Variants in AHCYL2 observed in about 807,000 individuals in gnomAD.
AHCYL2 encodes S-adenosylhomocysteine hydrolase-like protein 2.
AHCYL2 carries 28 observed loss-of-function variants against 81.4 expected under a neutral mutation model. The ratio of observed to expected loss-of-function variants is 0.34; its 90% CI spans 0.25 to 0.47. The LOEUF is 0.47. Among genes scored for constraint, AHCYL2 ranks in the 20% least tolerant of loss-of-function variants. AHCYL2 has a pLI of 1.00. For missense variants in AHCYL2, 551 were observed against 785.1 expected (o/e 0.70, Z 3.56); for synonymous variants, 272 against 290.2 (o/e 0.94, Z 0.64).
At chr7:129,394,655 G>C (rs1375389272) in intron 4 of AHCYL2, among the ~76,000 whole-genome samples, 1 of 151,980 alleles carries the variant, frequency 6.6e-6, no homozygotes, top group Non-Finnish European at 1.5e-5. Context: ...ATGTTGGTCA[G>C]GCTGGTCTCA....
chr7:129,295,224 G>A (rs1046517723), intron 1 of AHCYL2, among the ~76,000 whole-genome samples: 12 of 152,196 alleles, frequency 7.9e-5, no homozygotes, highest in Admixed American at 2.6e-4. Flanking sequence ...TCTTCTCTCC[G>A]GGGAATTGAA....
At chr7:129,307,907 A>G (rs1797500923) in intron 1 of AHCYL2, among the ~76,000 whole-genome samples, 2 of 151,876 alleles carry the variant, frequency 1.3e-5, no homozygotes, top group South Asian at 4.2e-4. Flanking sequence ...ATGGGACCTT[A>G]TGATCCTGCC....
intron 1 of AHCYL2, among the ~76,000 whole-genome samples, chr7:129,370,994 T>C (rs1171718522): frequency 6.6e-6 from 1 of 152,210 alleles, no homozygotes; most frequent in Non-Finnish European, 1.5e-5. Context: ...AGGTTGCTAC[T>C]GATAGCCACT....
chr7:129,325,204 A>G (rs1798177258), intron 1 of AHCYL2, among the ~76,000 whole-genome samples: 1 of 152,162 alleles, frequency 6.6e-6, no homozygotes, highest in African/African-American at 2.4e-5. Context: ...CTTGTACTGC[A>G]AGCCTGGTAG....
intron 1 of AHCYL2, among the ~76,000 whole-genome samples, chr7:129,285,687 T>A (rs954315265): frequency 4.4e-5 from 6 of 135,238 alleles, no homozygotes; most frequent in African/African-American, 1.6e-4. Flanking sequence ...ATTTTCTTTC[T>A]CTCTCTCTCT....
chr7:129,264,560 G>C (rs1198932005), intron 1 of AHCYL2, among the ~76,000 whole-genome samples: 1 of 152,164 alleles, frequency 6.6e-6, no homozygotes, highest in African/African-American at 2.4e-5. Context: ...TTATAGTAGA[G>C]AAAATTAAAC....
chr7:129,286,268 T>A (rs1796626007), intron 1 of AHCYL2, among the ~76,000 whole-genome samples: 2 of 152,088 alleles, frequency 1.3e-5, no homozygotes, highest in Admixed American at 1.3e-4. Flanking sequence ...TTTTTTTGTG[T>A]GAGATGGAGT....
intron 1 of AHCYL2, among the ~76,000 whole-genome samples, chr7:129,271,118 T>C (rs1380339560): frequency 6.6e-6 from 1 of 151,724 alleles, no homozygotes; most frequent in Non-Finnish European, 1.5e-5. Flanking sequence ...ATCCCAGCAC[T>C]TTGGGAGGCC....
chr7:129,247,230 A>G (rs1175384604), intron 1 of AHCYL2, among the ~76,000 whole-genome samples: 16 of 152,240 alleles, frequency 1.1e-4, no homozygotes, highest in African/African-American at 2.4e-5. Context: ...ATCCTTGCCA[A>G]TACTTGGCAT....
intron 1 of AHCYL2, among the ~76,000 whole-genome samples, chr7:129,252,081 CCA>C (rs1483457272): frequency 1.3e-5 from 2 of 152,082 alleles, no homozygotes; most frequent in Non-Finnish European, 2.9e-5. Flanking sequence ...GAGCTGAGCC[CCA>C]GTCATGAACC....
At chr7:129,347,966 T>A (rs1307578580) in intron 1 of AHCYL2, among the ~76,000 whole-genome samples, 1 of 152,164 alleles carries the variant, frequency 6.6e-6, no homozygotes, top group African/African-American at 2.4e-5. Context: ...TCCAAAACAA[T>A]TTCTGAAAAT....
chr7:129,366,270 T>C (rs1794111710), intron 1 of AHCYL2, among the ~76,000 whole-genome samples: 1 of 152,160 alleles, frequency 6.6e-6, no homozygotes, highest in Admixed American at 6.5e-5. Flanking sequence ...GGTTCAACAG[T>C]CCCTGTTTTC....
rs1185436997 is a variant in AHCYL2, at chr7:129,427,681, T to C, written c.*636T>C. ...CTCCTTTCTTCTCCTTGAATATTTATGTCCATTTTAACACTTCCTGGTTGC... is the reference window on the plus strand; with the variant it reads ...CTCCTTTCTTCTCCTTGAATATTTACGTCCATTTTAACACTTCCTGGTTGC... On this transcript the variant is annotated 3_prime_UTR_variant, in exon 17 of 17. Transcript: ENST00000325006. This position sits in a 1 kb window ranked among gnomAD's most constrained non-coding sequence, Gnocchi z 5.5. 2 of 152,720 alleles carry C rather than the reference T, an allele frequency of 1.3e-5. No homozygotes were observed. The highest frequency in any genetic ancestry group is 4.8e-5 in the African/African-American group (2 of 41,452). 9.5% of individuals were successfully genotyped at this position (152,720 alleles called of 1,614,324 possible).
Position 129,368,241 on chromosome 7 carries a change from C to A in AHCYL2, c.364-11397C>A. 1 of 1,375,918 alleles carries A rather than the reference C, an allele frequency of 7.3e-7. No homozygotes were observed. Among genetic ancestry groups the A allele is most frequent in the South Asian group, 1.7e-5 (1 of 60,106 alleles). 85.2% of individuals were successfully genotyped at this position (1,375,918 alleles called of 1,614,324 possible). On this transcript the variant is annotated intron_variant, in intron 1 of 16. Coordinates refer to ENST00000325006, the MANE Select transcript of AHCYL2 (RefSeq NM_015328.4). This position sits in a 1 kb window ranked among gnomAD's most constrained non-coding sequence, Gnocchi z 4.4. The stretch of plus-strand genomic sequence containing the variant: ...AGAAGCACAGTGCCTGGGTGCAGCA[C>A]TTTGCATCAGCTCTGATTTTGAAAT...
intron 1 of AHCYL2, among the ~76,000 whole-genome samples, chr7:129,338,195 C>T (rs552031503): frequency 4.0e-5 from 6 of 151,870 alleles, no homozygotes; most frequent in Admixed American, 2.0e-4. Context: ...CAGGGTCTTG[C>T]TCTGTCACTC....
At chr7:129,405,303 T>A in intron 8 of AHCYL2, 90 bp downstream of exon 8, 1 of 837,376 alleles carries the variant, frequency 1.2e-6, no homozygotes, top group Non-Finnish European at 1.9e-6. Context: ...AGGATTCATG[T>A]AGCACCTCTG....
At position 129,382,564 on chromosome 7, in the gene AHCYL2, C is replaced by T. The variant is rs188463257; in HGVS notation, c.475+2815C>T. 8.1e-4 allele frequency among the ~76,000 whole-genome samples: 123 copies of T among 152,054 alleles called. No homozygotes were observed. The East Asian group carries it at 0.022, about 27-fold the overall frequency. The stretch of plus-strand genomic sequence containing the variant: ...GCAGTGGGCCAAGATTGTGCCACTG[C>T]ACTTCAGCCTGGGCAATAGAGTGAG... On this transcript the variant is annotated intron_variant, in intron 2 of 16. Transcript: ENST00000325006.
At chr7:129,404,570 G>A (rs534937879) in intron 7 of AHCYL2, among the ~76,000 whole-genome samples, 8 of 152,274 alleles carry the variant, frequency 5.3e-5, no homozygotes, top group African/African-American at 4.8e-5. Flanking sequence ...AGCTACTCAG[G>A]AGTCTGAAGC....
intron 1 of AHCYL2, among the ~76,000 whole-genome samples, chr7:129,281,615 G>T (rs183137631): frequency 6.7e-6 from 1 of 149,270 alleles, no homozygotes; most frequent in African/African-American, 2.5e-5. Flanking sequence ...TTCTGCCTCA[G>T]CCTCTCAAGT....
Sources: gnomAD v4.1 joint callset for allele counts (sites outside exome capture counted in the v4.1 genomes callset) on GRCh38, gnomAD v4.1.1 for gene constraint, Gnocchi (gnomAD v3.1) non-coding constraint, MANE v1.5 for transcripts, NCBI Gene and HGNC (gene_info 2026-07-23, HGNC 2026-07-21) for gene names.